Variants in SLC14A2 observed in about 807,000 individuals in gnomAD.
The protein encoded by SLC14A2 is urea transporter 2.
SLC14A2 carries 91 observed loss-of-function variants against 104.6 expected under a neutral mutation model. That is an observed-to-expected ratio of 0.87 (90% CI 0.73 to 1.04). The LOEUF (loss-of-function observed/expected upper bound fraction) is 1.04, where lower values mean the gene tolerates loss of function less well. Among genes scored for constraint, SLC14A2 ranks in the 50% least tolerant of loss-of-function variants. The pLI is 0.00. For synonymous variants in SLC14A2, 476 were observed against 466.4 expected (o/e 1.02, Z -0.27); for missense variants, 1,189 against 1,156.0 (o/e 1.03, Z -0.41).
At chr18:45,441,166 A>G (rs780135593) in intron 1 of SLC14A2, among the ~76,000 whole-genome samples, 6 of 152,110 alleles carry the variant, frequency 3.9e-5, no homozygotes, top group Non-Finnish European at 8.8e-5. Context: ...TACTTATGCC[A>G]ATGTTCCAGC....
At chr18:45,536,040 G>A (rs2043775647) in intron 2 of SLC14A2, among the ~76,000 whole-genome samples, 1 of 152,214 alleles carries the variant, frequency 6.6e-6, no homozygotes, top group African/African-American at 2.4e-5. Context: ...ATGTTCTAGA[G>A]TTTTAACCTA....
intron 1 of SLC14A2, among the ~76,000 whole-genome samples, chr18:45,415,793 C>A: frequency 6.6e-6 from 1 of 152,098 alleles, no homozygotes. Context: ...TAACATCGAA[C>A]CACCTGACAT....
intron 1 of SLC14A2, among the ~76,000 whole-genome samples, chr18:45,446,272 T>C (rs879808314): frequency 1.4e-5 from 2 of 148,110 alleles, no homozygotes; most frequent in Admixed American, 1.4e-4. Flanking sequence ...CCTAACCCCA[T>C]ATATGATGGG....
chr18:45,182,752 TCA>T, the SLC14A2 span, among the ~76,000 whole-genome samples: 4 of 151,950 alleles, frequency 2.6e-5, no homozygotes, highest in Admixed American at 2.6e-4. Context: ...TTAAGAAAAA[TCA>T]CACAGTTGTC....
At chr18:45,226,692 G>A (rs2084121483) in intron 1 of SLC14A2, among the ~76,000 whole-genome samples, 1 of 150,998 alleles carries the variant, frequency 6.6e-6, no homozygotes, top group African/African-American at 2.4e-5. Flanking sequence ...GGGAGGGATA[G>A]CATTAGGAGA....
At chr18:45,565,880 A>G (rs564209665) in intron 2 of SLC14A2, among the ~76,000 whole-genome samples, 5 of 152,192 alleles carry the variant, frequency 3.3e-5, no homozygotes, top group Non-Finnish European at 7.3e-5. Context: ...CTGACCCAGG[A>G]GAGAAGAAAG....
At chr18:45,490,869 A>T in intron 2 of SLC14A2, among the ~76,000 whole-genome samples, 1 of 152,230 alleles carries the variant, frequency 6.6e-6, no homozygotes, top group East Asian at 1.9e-4. Context: ...ATATGAAAAG[A>T]TGGCCTACCT....
chr18:45,587,899 G>A (rs984955071), intron 2 of SLC14A2, among the ~76,000 whole-genome samples: 1 of 152,016 alleles, frequency 6.6e-6, no homozygotes, highest in Non-Finnish European at 1.5e-5. Flanking sequence ...AGCCATCCTA[G>A]AAGTCAGAAA....
At chr18:45,491,348 A>T (rs539465951) in intron 2 of SLC14A2, among the ~76,000 whole-genome samples, 13 of 152,338 alleles carry the variant, frequency 8.5e-5, no homozygotes, top group African/African-American at 3.1e-4. Flanking sequence ...TATACCATTT[A>T]CACACATATT....
At chr18:45,268,450 C>G (rs2084615334) in intron 1 of SLC14A2, among the ~76,000 whole-genome samples, 1 of 152,194 alleles carries the variant, frequency 6.6e-6, no homozygotes, top group South Asian at 2.1e-4. Flanking sequence ...ACGATATGAT[C>G]TATGCAACCA....
chr18:45,266,838 G>A (rs2084596914), intron 1 of SLC14A2, among the ~76,000 whole-genome samples: 1 of 152,064 alleles, frequency 6.6e-6, no homozygotes, highest in Non-Finnish European at 1.5e-5. Flanking sequence ...ATAGGTCAGG[G>A]GTAAGGAATA....
At chr18:45,477,029 C>T (rs1485186407) in intron 1 of SLC14A2, among the ~76,000 whole-genome samples, 4 of 152,084 alleles carry the variant, frequency 2.6e-5, no homozygotes, top group African/African-American at 7.3e-5. Flanking sequence ...CCCTTGCTGG[C>T]GGGGAGTTGT....
At chr18:45,452,383 A>G (rs1170307589) in intron 1 of SLC14A2, among the ~76,000 whole-genome samples, 1 of 152,220 alleles carries the variant, frequency 6.6e-6, no homozygotes, top group Admixed American at 6.5e-5. Context: ...TGGTTTCAGT[A>G]CTTATTACCA....
chr18:45,338,111 T>C (rs1276757613), intron 1 of SLC14A2, among the ~76,000 whole-genome samples: 1 of 152,202 alleles, frequency 6.6e-6, no homozygotes, highest in African/African-American at 2.4e-5. Flanking sequence ...TTCAACCAAT[T>C]GCCAGTCAGA....
chr18:45,239,392 A>T (rs139546024), intron 1 of SLC14A2, among the ~76,000 whole-genome samples: 1 of 152,304 alleles, frequency 6.6e-6, no homozygotes, highest in Non-Finnish European at 1.5e-5. Flanking sequence ...TTTGCTTGCC[A>T]TGTGTCAAGG....
the SLC14A2 span, among the ~76,000 whole-genome samples, chr18:45,206,491 C>G: frequency 3.9e-5 from 6 of 152,088 alleles, no homozygotes; most frequent in Non-Finnish European, 8.8e-5. Context: ...AGGTATTCAG[C>G]GAGGTTAGCC....
At chr18:45,585,741 C>T (rs1726754186) in intron 2 of SLC14A2, among the ~76,000 whole-genome samples, 1 of 152,196 alleles carries the variant, frequency 6.6e-6, no homozygotes, top group African/African-American at 2.4e-5. Flanking sequence ...ACTCCACTCC[C>T]TCCCTACTGC....
At chr18:45,447,986 G>A (rs2086797189) in intron 1 of SLC14A2, among the ~76,000 whole-genome samples, 1 of 152,212 alleles carries the variant, frequency 6.6e-6, no homozygotes, top group African/African-American at 2.4e-5. Flanking sequence ...TAACAGTGTT[G>A]TAAAATAATC....
chr18:45,323,752 A>C (rs2085207276), intron 1 of SLC14A2, among the ~76,000 whole-genome samples: 1 of 152,188 alleles, frequency 6.6e-6, no homozygotes, highest in Non-Finnish European at 1.5e-5. Context: ...TTCCTATCTC[A>C]GTGGACTTGT....
Sources: allele counts gnomAD v4.1 joint callset (sites outside exome capture counted in the v4.1 genomes callset), GRCh38; gene constraint gnomAD v4.1.1; transcripts MANE v1.5; gene names NCBI Gene and HGNC (gene_info 2026-07-23, HGNC 2026-07-21).